CDH13: variants seen among roughly 807,000 people sequenced by gnomAD.
CDH13 encodes the protein cadherin-13.
A neutral mutation model predicts 63.8 loss-of-function variants in CDH13; 24 were observed. That is an observed-to-expected ratio of 0.38 (90% CI 0.27 to 0.53). CDH13 has a LOEUF of 0.53. Among genes scored for constraint, CDH13 ranks in the 20% least tolerant of loss-of-function variants. The pLI, the probability that CDH13 is intolerant of heterozygous loss-of-function variation, is 0.85. For synonymous variants in CDH13, 503 were observed against 355.3 expected, an observed-to-expected ratio of 1.42 and a Z score of -4.67; for missense variants, 1,049 against 903.1, an observed-to-expected ratio of 1.16 and a Z score of -2.07.
intron 5 of CDH13, among the ~76,000 whole-genome samples, chr16:83,271,988 G>A (rs1259709688): frequency 6.6e-6 from 1 of 152,132 alleles, no homozygotes; most frequent in African/African-American, 2.4e-5. Context: ...ATAAACATTT[G>A]TCTTGTGCCT....
At chr16:83,507,520 A>G (rs2074429087) in intron 7 of CDH13, among the ~76,000 whole-genome samples, 1 of 152,172 alleles carries the variant, frequency 6.6e-6, no homozygotes. Context: ...TACAATAATG[A>G]TAATTGGTTG....
At chr16:83,320,237 G>T (rs2090192485) in intron 5 of CDH13, among the ~76,000 whole-genome samples, 1 of 151,836 alleles carries the variant, frequency 6.6e-6, no homozygotes, top group African/African-American at 2.4e-5. Context: ...GTAGAAACAG[G>T]GTCTCATTCT....
At chr16:83,480,178 T>A (rs1480479207) in intron 6 of CDH13, among the ~76,000 whole-genome samples, 1 of 152,084 alleles carries the variant, frequency 6.6e-6, no homozygotes, top group Non-Finnish European at 1.5e-5. Flanking sequence ...TAGCCAGGCA[T>A]AGTGGTGCGC....
chr16:83,188,563 A>T (rs1213022471), intron 4 of CDH13, among the ~76,000 whole-genome samples: 1 of 152,166 alleles, frequency 6.6e-6, no homozygotes, highest in Admixed American at 6.5e-5. Flanking sequence ...TTAAAGCCCC[A>T]TGCCAGGCGT....
At chr16:82,845,155 G>A (rs2151140584) in intron 1 of CDH13, among the ~76,000 whole-genome samples, 1 of 152,184 alleles carries the variant, frequency 6.6e-6, no homozygotes, top group East Asian at 1.9e-4. Context: ...ATATATTAAG[G>A]AATCCTTGAG....
At chr16:82,691,742 G>A (rs1915666421) in intron 1 of CDH13, among the ~76,000 whole-genome samples, 1 of 152,138 alleles carries the variant, frequency 6.6e-6, no homozygotes, top group African/African-American at 2.4e-5. Flanking sequence ...GTTGAAGGGA[G>A]AAATCAGGAA....
At chr16:83,319,038 T>A (rs1303467531) in intron 5 of CDH13, among the ~76,000 whole-genome samples, 2 of 151,324 alleles carry the variant, frequency 1.3e-5, no homozygotes, top group East Asian at 3.9e-4. Flanking sequence ...AACATATATA[T>A]ACATAGACAC....
intron 8 of CDH13, among the ~76,000 whole-genome samples, chr16:83,659,918 C>G (rs924805450): frequency 6.6e-6 from 1 of 151,680 alleles, no homozygotes; most frequent in African/African-American, 2.4e-5. Context: ...TCCCAAGTAG[C>G]GGGGACTACA....
intron 1 of CDH13, among the ~76,000 whole-genome samples, chr16:82,649,357 T>C (rs1351318354): frequency 1.3e-5 from 2 of 152,026 alleles, no homozygotes; most frequent in African/African-American, 2.4e-5. Flanking sequence ...TTGATAACTA[T>C]ATGAAGGGGA....
intron 1 of CDH13, among the ~76,000 whole-genome samples, chr16:82,692,631 CAGACCACA>C (rs1915753417): frequency 6.6e-6 from 1 of 152,174 alleles, no homozygotes; most frequent in South Asian, 2.1e-4. Flanking sequence ...GGAGCCCAGC[CAGACCACA>C]TCAGAAACCT....
intron 7 of CDH13, among the ~76,000 whole-genome samples, chr16:83,491,426 T>C (rs1567708965): frequency 6.6e-6 from 1 of 152,224 alleles, no homozygotes; most frequent in Non-Finnish European, 1.5e-5. Context: ...CAAAATAAAA[T>C]CAGATAAAGG....
intron 4 of CDH13, among the ~76,000 whole-genome samples, chr16:83,161,182 A>C (rs1420948052): frequency 6.6e-6 from 1 of 152,198 alleles, no homozygotes. Flanking sequence ...ACATTCTAGA[A>C]CAAATTAATT....
At chr16:83,757,164 C>A (rs1913577988) in intron 11 of CDH13, among the ~76,000 whole-genome samples, 1 of 152,120 alleles carries the variant, frequency 6.6e-6, no homozygotes, top group Non-Finnish European at 1.5e-5. Context: ...CAGTACACTT[C>A]CAAATAACTC....
In CDH13 at chr16:82,671,878, C is replaced by A. The variant is rs373498817; in HGVS notation, c.45+44741C>A. On this transcript the variant is annotated intron_variant, in intron 1 of 13. Transcript: ENST00000567109. ...CAAGAATAAAGAAAAGAGAAAGTTG[C>A]GCACCTGAGAAGTGCCCCCTGCTGG... Among the ~76,000 whole-genome samples, 66 of 152,208 alleles carry A rather than the reference C, an allele frequency of 4.3e-4. 1 individual carries two copies. The highest frequency in any genetic ancestry group is 8.3e-4 in the South Asian group (4 of 4,812).
intron 1 of CDH13, among the ~76,000 whole-genome samples, chr16:82,842,139 CACATATATATATATATATAT>C (rs2039052801): frequency 1.4e-4 from 8 of 57,146 alleles, no homozygotes; most frequent in Admixed American, 1.2e-3. Context: ...TATATATATA[CACATATATATATATATATAT>C]ATATACACAC....
intron 5 of CDH13, among the ~76,000 whole-genome samples, chr16:83,293,632 G>C (rs376177844): frequency 2.9e-4 from 44 of 152,208 alleles, no homozygotes; most frequent in African/African-American, 9.9e-4. Flanking sequence ...ACATAAACCA[G>C]AATGAAAACA....
At chr16:82,875,202 C>T (rs72790106) in intron 2 of CDH13, among the ~76,000 whole-genome samples, 2,850 of 152,256 alleles carry the variant, frequency 0.019, 42 homozygotes, top group Non-Finnish European at 0.028. Context: ...TTTGGATGCT[C>T]AACTCAGACT....
intron 10 of CDH13, among the ~76,000 whole-genome samples, chr16:83,740,772 G>C (rs962260496): frequency 6.6e-6 from 1 of 152,178 alleles, no homozygotes; most frequent in Non-Finnish European, 1.5e-5. Context: ...CTACATGAAA[G>C]GCAAGGCAAG....
intron 4 of CDH13, among the ~76,000 whole-genome samples, chr16:83,146,410 T>C (rs963895184): frequency 1.3e-5 from 2 of 152,116 alleles, no homozygotes; most frequent in African/African-American, 4.8e-5. Flanking sequence ...AGTTTACCAG[T>C]GCAGCCATGT....
Sources: allele counts gnomAD v4.1 joint callset (sites outside exome capture counted in the v4.1 genomes callset), GRCh38; gene constraint gnomAD v4.1.1; transcripts MANE v1.5; gene names NCBI Gene and HGNC (gene_info 2026-07-23, HGNC 2026-07-21).